KIF26A: variants seen among roughly 807,000 people sequenced by gnomAD.
The protein encoded by KIF26A is kinesin-like protein KIF26A.
A neutral mutation model predicts 126.0 loss-of-function variants in KIF26A; 74 were observed. The ratio of observed to expected loss-of-function variants is 0.59; its 90% CI spans 0.49 to 0.71. The LOEUF (loss-of-function observed/expected upper bound fraction) is 0.71. Among genes scored for constraint, KIF26A ranks in the 30% least tolerant of loss-of-function variants. KIF26A has a pLI of 0.00. For missense variants in KIF26A, 2,984 were observed against 2,763.3 expected (o/e 1.08, Z -1.79); for synonymous variants, 1,445 against 1,232.7 (o/e 1.17, Z -3.61).
At chr14:104,142,300 A>G (rs574730712) in intron 2 of KIF26A, among the ~76,000 whole-genome samples, 1 of 152,164 alleles carries the variant, frequency 6.6e-6, no homozygotes, top group East Asian at 1.9e-4. Flanking sequence ...GGGAAGCCCC[A>G]TGATGGGACT....
chr14:104,174,321 C>G lies in KIF26A; in HGVS notation c.2193+11C>G. On this transcript the variant is annotated intron_variant, in intron 11 of 14. Transcript: ENST00000423312. ...AGGAAGAAGGCCAAGGTGCTCCCCA[C>G]CTCCTGCCCGCCCCATCTCGGGGCC... The G allele has an allele frequency of 1.3e-6, 2 of 1,516,722 alleles. No homozygotes were observed. The highest frequency in any genetic ancestry group is 1.8e-6 in the Non-Finnish European group (2 of 1,127,580). The allele number at this position is 1,516,722 out of a possible 1,614,324, so 94.0% of individuals were successfully genotyped here.
intron 4 of KIF26A, among the ~76,000 whole-genome samples, chr14:104,165,795 G>A (rs2487307): frequency 0.57 from 80,720 of 142,738 alleles, 22,616 homozygotes; most frequent in Middle Eastern, 0.61. Context: ...GTGTCTCTGT[G>A]TGCATATGTG....
rs1425234712 is a variant in KIF26A at position 104,174,230 on chromosome 14, G to A, written c.2113G>A (p.Ala705Thr). The change falls in exon 11 of 15, where the codon GCG becomes ACG. Residue 705 changes from alanine to threonine, a missense_variant. Transcript: ENST00000423312. The part of the protein sequence containing the change: ...RTTMIAHVSD[A>T]PAQHAETLST... ...CACCATGATCGCCCACGTGTCGGAT[G>A]CGCCAGCCCAGCACGCAGAGACACT... 6.3e-7 allele frequency: 1 copy of A among 1,580,598 alleles called. No homozygotes were observed. Among genetic ancestry groups the A allele is most frequent in the Non-Finnish European group, 8.6e-7 (1 of 1,164,740 alleles).
rs756692583 is a variant in KIF26A at position 104,139,281 on chromosome 14, C to T, written c.281C>T (p.Thr94Ile). ...AWKLVSGPGT[T>I]LRDPCLSALL... Reference sequence around the variant, plus strand: ...AAGCTGGTCAGCGGGCCCGGGACCACCCTCCGGGTAAGTGACACTTCCTTA... The same window carrying T: ...AAGCTGGTCAGCGGGCCCGGGACCATCCTCCGGGTAAGTGACACTTCCTTA... Residue 94 changes from threonine to isoleucine, a missense_variant, in exon 2 of 15, where the codon ACC (threonine) becomes ATC (isoleucine). Coordinates refer to ENST00000423312, the MANE Select transcript of KIF26A (RefSeq NM_015656.2). The T allele has an allele frequency of 8.6e-6, 13 of 1,508,714 alleles. No homozygotes were observed. The highest frequency in any genetic ancestry group is 1.1e-5 in the Non-Finnish European group (12 of 1,128,428). 93.5% of individuals were successfully genotyped at this position (1,508,714 alleles called of 1,614,324 possible).
Position 104,173,393 on chromosome 14 carries a change from G to A in KIF26A, c.1747G>A (p.Ala583Thr). 1 of 1,583,960 alleles carries A rather than the reference G, an allele frequency of 6.3e-7. No individual in the cohort carries two copies. Among genetic ancestry groups the A allele is most frequent in the Non-Finnish European group, 8.6e-7 (1 of 1,166,398 alleles). Reference sequence around the variant, plus strand: ...GAAGGCGGCTTTCTACCTGGATGCGGCCCTGGCGGCCCGCAGCACCAGCCG... The same window carrying A: ...GAAGGCGGCTTTCTACCTGGATGCGACCCTGGCGGCCCGCAGCACCAGCCG... ...AEKAAFYLDAALAARSTSRAG... is the reference protein window; with the variant it reads ...AEKAAFYLDATLAARSTSRAG... The change falls in exon 9 of 15, where the codon GCC (alanine) becomes ACC (threonine). Residue 583 changes from alanine (A) to threonine (T), a missense_variant. Ala to Thr is a moderately conservative substitution (Grantham distance 58, BLOSUM62 0). Coordinates refer to ENST00000423312, the MANE Select transcript of KIF26A (RefSeq NM_015656.2).
rs1773889798 is a variant in KIF26A, at chr14:104,148,669, GA to G, written c.289-3345del. 6.9e-6 allele frequency among the ~76,000 whole-genome samples: 1 copy of G among 145,714 alleles called. No homozygotes were observed. On this transcript the variant is annotated intron_variant, in intron 2 of 14. Transcript: ENST00000423312. This position sits in a 1 kb window ranked among gnomAD's most constrained non-coding sequence, Gnocchi z 4.3. The stretch of plus-strand genomic sequence containing the variant: ...GGGGCTGTGCGTGGCCGGGGAGGGG[GA>G]GGGGGAGGGGAGGGGCAGGGCTGCA...
At chr14:104,158,703 A>T (rs1268800371) in intron 4 of KIF26A, among the ~76,000 whole-genome samples, 1 of 152,036 alleles carries the variant, frequency 6.6e-6, no homozygotes, top group Non-Finnish European at 1.5e-5. Flanking sequence ...GGTGGTGTGG[A>T]TGGGGTGGGC....
At chr14:104,178,785 ACCCCT>A in intron 13 of KIF26A, 30 bp downstream of exon 13, 2 of 1,295,240 alleles carry the variant, frequency 1.5e-6, no homozygotes, top group South Asian at 2.8e-5. Flanking sequence ...GGGGTCTATG[ACCCCT>A]GGTGGGGAGC....
At chr14:104,165,043 ATG>A (rs2037871721) in intron 4 of KIF26A, among the ~76,000 whole-genome samples, 1 of 134,904 alleles carries the variant, frequency 7.4e-6, no homozygotes, top group Non-Finnish European at 1.6e-5. Flanking sequence ...CTGTATGTGT[ATG>A]TGTGTCTGTG....
rs113754530 is a variant in KIF26A at position 104,176,867 on chromosome 14, C to A, written c.4079C>A (p.Ala1360Asp). 5.0e-3 allele frequency: 7,569 copies of A among 1,526,400 alleles called. 321 individuals carry two copies. The African/African-American group carries it at 0.091, about 18-fold the overall frequency. The allele number at this position is 1,526,400 out of a possible 1,614,324, so 94.6% of individuals were successfully genotyped here. ...AGFLPRPSGA[A>D]PPAPPTRKSS... is the part of the protein sequence containing the mutation. Reference sequence around the variant, plus strand: ...TTCCTCCCGAGGCCCAGTGGGGCGGCCCCCCCGGCCCCACCCACGCGGAAG... The same window carrying A: ...TTCCTCCCGAGGCCCAGTGGGGCGGACCCCCCGGCCCCACCCACGCGGAAG... Residue 1360 changes from alanine (A) to aspartate (D), a missense_variant, in exon 12 of 15, where the codon GCC becomes GAC. Coordinates refer to ENST00000423312, the MANE Select transcript of KIF26A (RefSeq NM_015656.2).
chr14:104,166,536 G>A (rs1383847459), intron 4 of KIF26A, among the ~76,000 whole-genome samples: 1 of 152,164 alleles, frequency 6.6e-6, no homozygotes, highest in African/African-American at 2.4e-5. Flanking sequence ...GCAGGTGGGG[G>A]ATGAGGGCAC....
At position 104,177,717 on chromosome 14, in the gene KIF26A, C is replaced by A. The variant is rs778648532; in HGVS notation, c.4929C>A (p.Pro1643=). The part of the protein sequence containing the change: ...NSSVLSGELP[P]AMGRTALFHH... ...GCGTGCTGAGTGGAGAGCTGCCGCC[C>A]GCCATGGGCCGCACCGCCCTTTTCC... Residue 1643 remains proline (P), a synonymous_variant, in exon 12 of 15, where the codon CCC becomes CCA. Transcript: ENST00000423312. The A allele has an allele frequency of 3.3e-6, 5 of 1,535,086 alleles. No individual in the cohort carries two copies. The South Asian group carries it at 6.0e-5, about 18-fold the overall frequency.
Position 104,177,276 on chromosome 14 carries a change from T to C in KIF26A, c.4488T>C (p.Gly1496=). 6.3e-7 allele frequency: 1 copy of C among 1,592,180 alleles called. No individual in the cohort carries two copies. The highest frequency in any genetic ancestry group is 8.5e-7 in the Non-Finnish European group (1 of 1,172,624). The change falls in exon 12 of 15, where the codon GGT becomes GGC. Residue 1496 remains glycine, a synonymous_variant. Transcript: ENST00000423312. ...KAVGAPKPPV[G]GGKGRGLVAG... is the part of the protein sequence containing the mutation. ...TGGGGGCCCCCAAGCCCCCTGTTGGTGGAGGCAAGGGCCGTGGCCTAGTGG... is the reference window on the plus strand; with the variant it reads ...TGGGGGCCCCCAAGCCCCCTGTTGGCGGAGGCAAGGGCCGTGGCCTAGTGG...
chr14:104,174,191 G>A lies in KIF26A; in HGVS notation c.2074G>A (p.Ala692Thr), dbSNP rs374669214. Residue 692 changes from alanine to threonine, a missense_variant, in exon 11 of 15, where the codon GCT becomes ACT. Coordinates refer to ENST00000423312, the MANE Select transcript of KIF26A (RefSeq NM_015656.2). The stretch of plus-strand genomic sequence containing the variant: ...GCTGCTGCGTGAATCCCTGGCCACC[G>A]CTGGCTGCCGCACCACCATGATCGC... ...TMLLRESLAT[A>T]GCRTTMIAHV... is the part of the protein sequence containing the mutation. The A allele has an allele frequency of 7.6e-6, 12 of 1,587,214 alleles. No homozygotes were observed. Among genetic ancestry groups the A allele is most frequent in the South Asian group, 2.3e-5 (2 of 86,986 alleles).
rs374337680 is a variant in KIF26A, at chr14:104,152,754, C to A, written c.735+293C>A. ...GCTGAGGGCCCACCAGTGCCCAGCACAGGGCTTGGCGATGCACAGGGCACC... is the reference window on the plus strand; with the variant it reads ...GCTGAGGGCCCACCAGTGCCCAGCAAAGGGCTTGGCGATGCACAGGGCACC... On this transcript the variant is annotated intron_variant, in intron 3 of 14. Coordinates refer to ENST00000423312, the MANE Select transcript of KIF26A (RefSeq NM_015656.2). This position sits in a 1 kb window ranked among gnomAD's most constrained non-coding sequence, Gnocchi z 5.9. 3.2e-4 allele frequency among the ~76,000 whole-genome samples: 49 copies of A among 152,336 alleles called. 1 individual carries two copies. Among genetic ancestry groups the A allele is most frequent in the African/African-American group, 1.1e-3 (47 of 41,580 alleles).
chr14:104,176,698 C>T lies in KIF26A; in HGVS notation c.3910C>T (p.Pro1304Ser), dbSNP rs921692994. Reference sequence around the variant, plus strand: ...CAGGCCAGAGGCTGTGGCTCGGATCCCACCGCTGCGGAGGGGTGCCACCAC... The same window carrying T: ...CAGGCCAGAGGCTGTGGCTCGGATCTCACCGCTGCGGAGGGGTGCCACCAC... ...ARRPEAVARI[P>S]PLRRGATTLG... Residue 1304 changes from proline to serine, a missense_variant, in exon 12 of 15, where the codon CCA becomes TCA. Physicochemically the swap from Pro to Ser is moderately conservative, Grantham distance 74. Coordinates refer to ENST00000423312, the MANE Select transcript of KIF26A (RefSeq NM_015656.2). The T allele has an allele frequency of 9.4e-6, 15 of 1,589,962 alleles. No individual in the cohort carries two copies. Among genetic ancestry groups the T allele is most frequent in the Non-Finnish European group, 1.1e-5 (13 of 1,168,642 alleles).
intron 2 of KIF26A, among the ~76,000 whole-genome samples, chr14:104,142,047 G>A (rs553804829): frequency 1.1e-4 from 17 of 152,118 alleles, no homozygotes; most frequent in Middle Eastern, 3.4e-3. Context: ...CTCCCTTGCT[G>A]TGTGCTCTTG....
chr14:104,170,417 A>G (rs1249841835), intron 5 of KIF26A, among the ~76,000 whole-genome samples: 1 of 152,210 alleles, frequency 6.6e-6, no homozygotes, highest in African/African-American at 2.4e-5. Context: ...CGGCTTGCAT[A>G]TCAATGTGCC....
Position 104,139,299 on chromosome 14 carries a change from C to T in KIF26A, c.288+11C>T. Reference sequence around the variant, plus strand: ...GGGACCACCCTCCGGGTAAGTGACACTTCCTTAGGCCGACCCCTCCGAGCA... The same window carrying T: ...GGGACCACCCTCCGGGTAAGTGACATTTCCTTAGGCCGACCCCTCCGAGCA... On this transcript the variant is annotated intron_variant, in intron 2 of 14. Transcript: ENST00000423312. The T allele has an allele frequency of 2.0e-6, 3 of 1,469,976 alleles. No homozygotes were observed. Among genetic ancestry groups the T allele is most frequent in the South Asian group, 2.7e-5 (2 of 72,908 alleles). The allele number at this position is 1,469,976 out of a possible 1,614,324, so 91.1% of individuals were successfully genotyped here.
Sources: allele counts gnomAD v4.1 joint callset (sites outside exome capture counted in the v4.1 genomes callset), GRCh38; gene constraint gnomAD v4.1.1; non-coding constraint Gnocchi (gnomAD v3.1); transcripts MANE v1.5; gene names NCBI Gene and HGNC (gene_info 2026-07-23, HGNC 2026-07-21).